The following BTBD9 variants were observed in gnomAD, a reference collection of about 807,000 sequenced individuals.
The protein encoded by BTBD9 is BTB/POZ domain-containing protein 9.
A neutral mutation model predicts 64.3 loss-of-function variants in BTBD9; 49 were observed. The observed-to-expected ratio is 0.76, with a 90% CI of 0.61 to 0.97. The LOEUF (loss-of-function observed/expected upper bound fraction) is 0.97, where lower values mean the gene tolerates loss of function less well. BTBD9 is among the 50% of genes least tolerant of loss of function. BTBD9 has a pLI of 0.00. For synonymous variants in BTBD9, 260 were observed against 274.7 expected, an observed-to-expected ratio of 0.95 and a Z score of 0.53; for missense variants, 598 against 762.1, an observed-to-expected ratio of 0.78 and a Z score of 2.53.
chr6:38,507,222 AT>A (rs1173335162), intron 6 of BTBD9, among the ~76,000 whole-genome samples: 1 of 152,080 alleles, frequency 6.6e-6, no homozygotes, highest in African/African-American at 2.4e-5. Context: ...TTTATTTGCT[AT>A]TCTTTTATTG....
intron 6 of BTBD9, among the ~76,000 whole-genome samples, chr6:38,485,489 T>C (rs1051014969): frequency 2.0e-5 from 3 of 152,226 alleles, no homozygotes; most frequent in Non-Finnish European, 4.4e-5. Flanking sequence ...AGAATGGATG[T>C]TGTGTTAACA....
intron 9 of BTBD9, among the ~76,000 whole-genome samples, chr6:38,217,695 T>TC (rs368220579): frequency 0.022 from 1,304 of 60,588 alleles, 18 homozygotes; most frequent in African/African-American, 0.053. Context: ...TTTTTTTCTT[T>TC]TTTCTTTTTT....
chr6:38,487,602 AGAG>A (rs1172288708), intron 6 of BTBD9, among the ~76,000 whole-genome samples: 1 of 147,316 alleles, frequency 6.8e-6, no homozygotes, highest in Non-Finnish European at 1.5e-5. Context: ...CGAGAGAGAG[AGAG>A]AGAGAGAGAG....
intron 7 of BTBD9, among the ~76,000 whole-genome samples, chr6:38,312,649 A>G (rs1044584109): frequency 6.6e-6 from 1 of 152,150 alleles, no homozygotes; most frequent in Non-Finnish European, 1.5e-5. Flanking sequence ...TCCCAGCATC[A>G]CTTATTGAAG....
intron 6 of BTBD9, among the ~76,000 whole-genome samples, chr6:38,551,225 A>C (rs1774789913): frequency 6.6e-6 from 1 of 152,310 alleles, no homozygotes; most frequent in East Asian, 1.9e-4. Context: ...CAATACCTAC[A>C]ATACTCAGGT....
chr6:38,288,304 C>A lies in BTBD9; in HGVS notation c.1422G>T (p.Gln474His). ...HQLGSGAIVV[Q>H]LAQPYMIGSI... Reference sequence around the variant, plus strand: ...ACCCAATCATGTACGGTTGTGCCAACTGAACCACAATCGCACCACTTCCTA... The same window carrying A: ...ACCCAATCATGTACGGTTGTGCCAAATGAACCACAATCGCACCACTTCCTA... The change falls in exon 8 of 11, where the codon CAG becomes CAT. Residue 474 changes from glutamine to histidine, a missense_variant. Physicochemically the swap from Gln to His is conservative, Grantham distance 24 (BLOSUM62 0). Transcript: ENST00000481247. The A allele has an allele frequency of 6.2e-7, 1 of 1,614,166 alleles. No homozygotes were observed. Among genetic ancestry groups the A allele is most frequent in the Non-Finnish European group, 8.5e-7 (1 of 1,179,990 alleles).
At chr6:38,303,680 C>G (rs973210063) in intron 7 of BTBD9, among the ~76,000 whole-genome samples, 2 of 151,682 alleles carry the variant, frequency 1.3e-5, no homozygotes, top group Admixed American at 1.3e-4. Flanking sequence ...ATCACAAAAT[C>G]ATTACTGATA....
At chr6:38,609,870 A>T (rs1184384806) in intron 1 of BTBD9, among the ~76,000 whole-genome samples, 2 of 152,184 alleles carry the variant, frequency 1.3e-5, no homozygotes, top group African/African-American at 4.8e-5. Context: ...TATTTGACCA[A>T]CTCAGCTAAA....
intron 7 of BTBD9, among the ~76,000 whole-genome samples, chr6:38,339,520 T>A (rs1764023581): frequency 1.3e-5 from 2 of 152,028 alleles, no homozygotes; most frequent in African/African-American, 4.8e-5. Flanking sequence ...AGGTAAAAAA[T>A]ATATAATATG....
intron 6 of BTBD9, among the ~76,000 whole-genome samples, chr6:38,439,169 G>A (rs889223545): frequency 7.2e-5 from 10 of 139,678 alleles, no homozygotes; most frequent in African/African-American, 2.5e-4. Context: ...CACCCAGGCT[G>A]GAGTGCAATT....
intron 4 of BTBD9, chr6:38,587,950 A>G (rs1438662083): frequency 2.7e-6 from 2 of 729,218 alleles, no homozygotes; most frequent in Non-Finnish European, 5.2e-6. Flanking sequence ...GTTCAGGAAC[A>G]TCTGACAGCA....
chr6:38,638,425 T>C (rs997647201), intron 1 of BTBD9, among the ~76,000 whole-genome samples: 4 of 152,330 alleles, frequency 2.6e-5, no homozygotes, highest in African/African-American at 4.8e-5. Flanking sequence ...TTTCTATACA[T>C]AGATACACCA....
intron 6 of BTBD9, among the ~76,000 whole-genome samples, chr6:38,521,768 GC>G (rs761542925): frequency 2.4e-4 from 36 of 152,134 alleles, no homozygotes; most frequent in South Asian, 8.3e-4. Flanking sequence ...TCTGCCTCCT[GC>G]GTTTAAGCAA....
intron 6 of BTBD9, among the ~76,000 whole-genome samples, chr6:38,383,382 CT>C (rs1165536719): frequency 1.5e-4 from 23 of 152,234 alleles, no homozygotes; most frequent in African/African-American, 5.3e-4. Flanking sequence ...TAAAAGGCAT[CT>C]ATCAGAATCC....
chr6:38,609,977 C>T (rs921600806), intron 1 of BTBD9, among the ~76,000 whole-genome samples: 3 of 152,078 alleles, frequency 2.0e-5, no homozygotes, highest in Non-Finnish European at 4.4e-5. Context: ...AATGCAGGTA[C>T]CTTAGAAATA....
At chr6:38,634,576 T>A (rs1781709) in intron 1 of BTBD9, among the ~76,000 whole-genome samples, 32,540 of 149,456 alleles carry the variant, frequency 0.22, 3,711 homozygotes, top group Non-Finnish European at 0.28. Context: ...TCCTTTTTTT[T>A]AAAAAAAAAG....
chr6:38,435,406 AG>A (rs1436598856), intron 6 of BTBD9, among the ~76,000 whole-genome samples: 2 of 151,446 alleles, frequency 1.3e-5, no homozygotes, highest in South Asian at 4.2e-4. Flanking sequence ...AGGCTAAGGC[AG>A]AGAATCGCTT....
chr6:38,470,572 C>T (rs1046603601), intron 6 of BTBD9, among the ~76,000 whole-genome samples: 1 of 152,168 alleles, frequency 6.6e-6, no homozygotes, highest in Non-Finnish European at 1.5e-5. Context: ...TCCCATTTAT[C>T]CTAGTGATCT....
chr6:38,470,191 T>C (rs555534695), intron 6 of BTBD9, among the ~76,000 whole-genome samples: 110 of 152,330 alleles, frequency 7.2e-4, no homozygotes, highest in African/African-American at 2.5e-3. Flanking sequence ...TGCTTTGCAG[T>C]TGTTAAACGG....
Sources: allele counts gnomAD v4.1 joint callset (sites outside exome capture counted in the v4.1 genomes callset), GRCh38; gene constraint gnomAD v4.1.1; transcripts MANE v1.5; gene names NCBI Gene and HGNC (gene_info 2026-07-23, HGNC 2026-07-21).